CDH13: variants seen among roughly 807,000 people sequenced by gnomAD.
CDH13 encodes cadherin 13.
Under a neutral mutation model 63.8 loss-of-function variants are expected in CDH13, and 24 were observed. The ratio of observed to expected loss-of-function variants is 0.38; its 90% confidence interval spans 0.27 to 0.53. CDH13 has a LOEUF of 0.53. CDH13 is among the 20% of genes least tolerant of loss of function. CDH13 has a pLI of 0.85. For synonymous variants in CDH13, 503 were observed against 355.3 expected (o/e 1.42, Z -4.67); for missense variants, 1,049 against 903.1 (o/e 1.16, Z -2.07).
intron 2 of CDH13, among the ~76,000 whole-genome samples, chr16:82,904,254 A>G (rs909505677): frequency 2.0e-5 from 3 of 152,230 alleles, no homozygotes; most frequent in African/African-American, 7.2e-5. Flanking sequence ...TCTAACCGAT[A>G]TGCCTCAGGT....
chr16:83,452,373 A>AT (rs59364456), intron 6 of CDH13, among the ~76,000 whole-genome samples: 1 of 151,448 alleles, frequency 6.6e-6, no homozygotes, highest in Non-Finnish European at 1.5e-5. Context: ...TATATTGATT[A>AT]CTTGGTGCCA....
intron 1 of CDH13, among the ~76,000 whole-genome samples, chr16:82,645,027 T>C (rs1427179519): frequency 6.6e-6 from 1 of 152,212 alleles, no homozygotes. Context: ...GAGATTGTAG[T>C]GTGTTTCAGT....
chr16:82,968,103 T>A (rs1228787671), intron 2 of CDH13, among the ~76,000 whole-genome samples: 1 of 152,222 alleles, frequency 6.6e-6, no homozygotes, highest in African/African-American at 2.4e-5. Context: ...AAGAATTTAT[T>A]TCCAATTTTA....
intron 5 of CDH13, among the ~76,000 whole-genome samples, chr16:83,270,367 G>A (rs2088765169): frequency 6.6e-6 from 1 of 152,172 alleles, no homozygotes; most frequent in Non-Finnish European, 1.5e-5. Flanking sequence ...GTGTTTCACT[G>A]CAATAATATG....
At chr16:83,708,670 A>C (rs1907525467) in intron 10 of CDH13, among the ~76,000 whole-genome samples, 1 of 152,204 alleles carries the variant, frequency 6.6e-6, no homozygotes, top group Non-Finnish European at 1.5e-5. Flanking sequence ...ATTAGATGAA[A>C]GGTCTTTAGA....
chr16:83,182,730 A>C (rs978762322), intron 4 of CDH13, among the ~76,000 whole-genome samples: 4 of 152,378 alleles, frequency 2.6e-5, no homozygotes, highest in Middle Eastern at 3.4e-3. Flanking sequence ...GGACTAAAAA[A>C]GTTAGTAACA....
intron 1 of CDH13, among the ~76,000 whole-genome samples, chr16:82,720,660 C>G (rs2169449): frequency 0.065 from 9,804 of 151,496 alleles, 345 homozygotes; most frequent in African/African-American, 0.075. Context: ...ACAGGGTGGT[C>G]TGGGCCAAGA....
intron 1 of CDH13, among the ~76,000 whole-genome samples, chr16:82,703,066 A>G (rs2031181707): frequency 6.6e-6 from 1 of 152,158 alleles, no homozygotes; most frequent in Admixed American, 6.5e-5. Flanking sequence ...GCTTGCAAAC[A>G]TGCAGAGGTT....
chr16:82,727,084 T>C (rs1339033610), intron 1 of CDH13, among the ~76,000 whole-genome samples: 1 of 152,144 alleles, frequency 6.6e-6, no homozygotes, highest in Non-Finnish European at 1.5e-5. Flanking sequence ...GGCAAGGGGA[T>C]GAGGGCGGCG....
intron 10 of CDH13, among the ~76,000 whole-genome samples, chr16:83,739,604 T>G (rs1352216655): frequency 6.6e-6 from 1 of 152,122 alleles, no homozygotes; most frequent in African/African-American, 2.4e-5. Context: ...ATGTATCAGA[T>G]CCAAGGCAAC....
At chr16:83,486,033 CTT>C in intron 6 of CDH13, among the ~76,000 whole-genome samples, 1 of 152,236 alleles carries the variant, frequency 6.6e-6, no homozygotes, top group Admixed American at 6.5e-5. Flanking sequence ...ATCCCAGCTA[CTT>C]AGGAGGCTGA....
intron 6 of CDH13, among the ~76,000 whole-genome samples, chr16:83,411,354 T>A (rs74643530): frequency 6.6e-6 from 1 of 152,170 alleles, no homozygotes; most frequent in African/African-American, 2.4e-5. Flanking sequence ...TTGAAGCATT[T>A]ACCATCATCC....
At chr16:82,914,238 C>A (rs965377919) in intron 2 of CDH13, among the ~76,000 whole-genome samples, 1 of 152,006 alleles carries the variant, frequency 6.6e-6, no homozygotes, top group Non-Finnish European at 1.5e-5. Context: ...CCTCCCAGGG[C>A]CCATTTGTTA....
At chr16:83,749,488 CTG>C (rs1397557774) in intron 11 of CDH13, among the ~76,000 whole-genome samples, 3 of 152,202 alleles carry the variant, frequency 2.0e-5, no homozygotes, top group African/African-American at 7.2e-5. Flanking sequence ...GAAAAAATAA[CTG>C]TTGTGTCTGC....
At chr16:83,238,821 T>A (rs1023075794) in intron 5 of CDH13, among the ~76,000 whole-genome samples, 2 of 152,186 alleles carry the variant, frequency 1.3e-5, no homozygotes, top group African/African-American at 4.8e-5. Flanking sequence ...TATGAAAATA[T>A]CTCCAAGTCA....
At chr16:83,621,979 C>A (rs961329358) in intron 8 of CDH13, among the ~76,000 whole-genome samples, 1 of 152,108 alleles carries the variant, frequency 6.6e-6, no homozygotes, top group African/African-American at 2.4e-5. Context: ...GATTAGCAAC[C>A]TTGTATCTTT....
intron 6 of CDH13, among the ~76,000 whole-genome samples, chr16:83,480,019 G>A (rs1204580777): frequency 6.6e-6 from 1 of 151,958 alleles, no homozygotes; most frequent in African/African-American, 2.4e-5. Flanking sequence ...TGAGAGAAGA[G>A]CCATTTTGTC....
intron 2 of CDH13, among the ~76,000 whole-genome samples, chr16:82,970,016 C>T (rs967747696): frequency 6.6e-6 from 1 of 151,706 alleles, no homozygotes; most frequent in African/African-American, 2.4e-5. Context: ...TATACACGTG[C>T]TATGGTGGTT....
intron 1 of CDH13, among the ~76,000 whole-genome samples, chr16:82,818,056 A>G (rs75598360): frequency 0.022 from 3,361 of 152,154 alleles, 116 homozygotes; most frequent in African/African-American, 0.076. Context: ...TACATACATG[A>G]CTATACGCAC....
Sources: gnomAD v4.1 joint callset for allele counts (sites outside exome capture counted in the v4.1 genomes callset) on GRCh38, gnomAD v4.1.1 for gene constraint, MANE v1.5 for transcripts, NCBI Gene and HGNC (gene_info 2026-07-23, HGNC 2026-07-21) for gene names.